The following SLC49A3 variants were observed in gnomAD, a reference collection of about 807,000 sequenced individuals.
SLC49A3 encodes solute carrier family 49 member 3, also known as solute carrier family 49 member A3.
SLC49A3 carries 50 observed loss-of-function variants against 43.8 expected under a neutral mutation model. That is an observed-to-expected ratio of 1.14 (90% CI 0.91 to 1.45). The LOEUF is 1.45. Ranked by LOEUF, SLC49A3 falls within the 40% of genes most tolerant of loss-of-function variation. The pLI, the probability that SLC49A3 is intolerant of heterozygous loss-of-function variation, is 0.00. For missense variants in SLC49A3, 906 were observed against 774.1 expected, an observed-to-expected ratio of 1.17 and a Z score of -2.02; for synonymous variants, 413 against 352.0, an observed-to-expected ratio of 1.17 and a Z score of -1.94.
At chr4:678,648 C>A (rs1298613095), downstream of SLC49A3, 1 of 1,598,974 alleles carries the variant, frequency 6.3e-7, no homozygotes. Context: ...CCATGGTGCT[C>A]CCACCGCAGG....
chr4:683,161 A>G, intron 8 of SLC49A3, 49 bp downstream of exon 8: 1 of 1,609,760 alleles, frequency 6.2e-7, no homozygotes, highest in Non-Finnish European at 8.5e-7. Context: ...GTAGGGGTGG[A>G]GCAAGGGGAG....
At chr4:678,549 A>G (rs1739092322), downstream of SLC49A3, 2 of 1,477,780 alleles carry the variant, frequency 1.4e-6, no homozygotes, top group East Asian at 5.0e-5. Context: ...CTCCAGCCCG[A>G]AGGGCTGAGG....
rs766520194 is a variant in SLC49A3, at chr4:684,878, C to T, written c.586-22G>A. 39 of 1,606,272 alleles carry T rather than the reference C, an allele frequency of 2.4e-5. No homozygotes were observed. In the South Asian group the frequency reaches 3.6e-4, roughly 15 times the overall value. On this transcript the variant is annotated intron_variant, in intron 4 of 9. Transcript: ENST00000322224. ...CGAGCTGGGGAGGGGTGTGTGTGCA[C>T]AAGGAGACCACGCAGACTGGCACCC...
upstream of SLC49A3, chr4:689,341 A>G (rs983439832): frequency 3.1e-4 from 100 of 324,514 alleles, 1 homozygote; most frequent in African/African-American, 2.0e-3. Context: ...GCAAAGGTGA[A>G]GTTGGACCCT....
downstream of SLC49A3, chr4:678,339 G>C (rs185345970): frequency 8.5e-5 from 120 of 1,417,236 alleles, no homozygotes; most frequent in African/African-American, 1.6e-3. Flanking sequence ...CCCACCCAGA[G>C]TCCACTTGCC....
At chr4:677,902 C>A, downstream of SLC49A3, 1 of 1,543,400 alleles carries the variant, frequency 6.5e-7, no homozygotes, top group Non-Finnish European at 9.0e-7. Flanking sequence ...CCTGGGGTAG[C>A]CCCAAGCCTG....
downstream of SLC49A3, chr4:678,071 G>A (rs1739027375): frequency 1.2e-6 from 2 of 1,610,864 alleles, no homozygotes; most frequent in Non-Finnish European, 1.7e-6. Flanking sequence ...GCGTGTGGGT[G>A]TGAGCTGTGC....
chr4:682,434 G>A (rs931762225), intron 9 of SLC49A3, 58 bp from the exon 10 acceptor site: 2 of 1,302,850 alleles, frequency 1.5e-6, no homozygotes, highest in Admixed American at 3.4e-5. Flanking sequence ...CAGATGGGCA[G>A]AGCCCAATGC....
At chr4:679,213 A>G, downstream of SLC49A3, 1 of 720,692 alleles carries the variant, frequency 1.4e-6, no homozygotes, top group Non-Finnish European at 2.5e-6. Flanking sequence ...CAGAGCTGGC[A>G]GAGAGCATCC....
rs112489859 is a variant in SLC49A3 at position 685,598 on chromosome 4, C to T, written c.585+237G>A. ...GCGCACGCCTGTAGTCCCAGCTACTCGGGAAGATGAGGCAGGGGAATTGCT... is the reference window on the plus strand; with the variant it reads ...GCGCACGCCTGTAGTCCCAGCTACTTGGGAAGATGAGGCAGGGGAATTGCT... On this transcript the variant is annotated intron_variant, in intron 4 of 9. Coordinates refer to ENST00000322224, the MANE Select transcript of SLC49A3 (RefSeq NM_032219.4). The surrounding 1 kb of genome is among the most constrained non-coding windows in gnomAD (Gnocchi z 4.3). Among the ~76,000 whole-genome samples the T allele has an allele frequency of 4.4e-3, 676 of 152,016 alleles. 5 individuals are homozygous for T. The highest frequency in any genetic ancestry group is 0.016 in the African/African-American group (651 of 41,448).
Position 682,124 on chromosome 4 carries a change from C to A in SLC49A3, c.1514G>T (p.Gly505Val). ...GASLEDPRGP[G>V]SPHPACHRAT... ...TCGGTGGCAGGCTGGGTGGGGGCTCCCGGGCCCTCTGGGGTCCTCTAGCGA... is the reference window on the plus strand; with the variant it reads ...TCGGTGGCAGGCTGGGTGGGGGCTCACGGGCCCTCTGGGGTCCTCTAGCGA... The change falls in exon 10 of 10, where the codon GGG (glycine) becomes GTG (valine). Residue 505 changes from glycine to valine, a missense_variant. Transcript: ENST00000322224. 1 of 1,353,384 alleles carries A rather than the reference C, an allele frequency of 7.4e-7. No individual in the cohort carries two copies. The highest frequency in any genetic ancestry group is 2.9e-5 in the East Asian group (1 of 34,578). 83.8% of individuals were successfully genotyped at this position (1,353,384 alleles called of 1,614,324 possible).
chr4:688,684 C>T (rs1241349477), intron 1 of SLC49A3, among the ~76,000 whole-genome samples: 1 of 152,132 alleles, frequency 6.6e-6, no homozygotes. Flanking sequence ...AGAGGGCCAA[C>T]GCAGGGCCAC....
At chr4:678,250 C>T (rs1739055916), downstream of SLC49A3, 2 of 1,474,838 alleles carry the variant, frequency 1.4e-6, no homozygotes, top group Non-Finnish European at 1.8e-6. Context: ...GTACGTGCCT[C>T]ACGTTGCTCT....
downstream of SLC49A3, chr4:678,805 G>C: frequency 6.2e-7 from 1 of 1,608,690 alleles, no homozygotes. Flanking sequence ...CCACCCCCAG[G>C]AGCCTGTGCT....
In SLC49A3 at chr4:686,129, T is replaced by C; in HGVS notation, c.468A>G (p.Pro156=). The change falls in exon 3 of 10, where the codon CCA becomes CCG. Residue 156 remains proline (P), a synonymous_variant. Transcript: ENST00000322224. ...TGTTGGCCGTGGCTCGCTGGTGCTC[T>C]GGGAACCACAAGGCAGCCAGCTTGG... ...SPAKLAALWF[P]EHQRATANML... 6.2e-7 allele frequency: 1 copy of C among 1,613,132 alleles called. No homozygotes were observed. Among genetic ancestry groups the C allele is most frequent in the African/African-American group, 1.3e-5 (1 of 75,030 alleles).
Position 683,612 on chromosome 4 carries a change from G to C in SLC49A3, c.990C>G (p.Ala330=). 6.2e-7 allele frequency: 1 copy of C among 1,610,594 alleles called. No homozygotes were observed. Among genetic ancestry groups the C allele is most frequent in the Non-Finnish European group, 8.5e-7 (1 of 1,178,672 alleles). Residue 330 remains alanine (A), a synonymous_variant, in exon 7 of 10, where the codon GCC becomes GCG. Transcript: ENST00000322224. ...CLFSLACVPF[A]LVSQLQGQTL... ...CTTGGCTTGAGGAGACCCTCACCAG[G>C]GCAAAGGGCACGCAGGCCAGAGAGA...
intron 1 of SLC49A3, among the ~76,000 whole-genome samples, chr4:687,522 G>A (rs1342014842): frequency 1.3e-5 from 2 of 152,230 alleles, no homozygotes; most frequent in African/African-American, 2.4e-5. Flanking sequence ...GTGCCTGCCT[G>A]GCCGAGCCCG....
downstream of SLC49A3, among the ~76,000 whole-genome samples, chr4:679,428 G>A (rs1045046351): frequency 2.0e-5 from 3 of 151,992 alleles, no homozygotes; most frequent in African/African-American, 7.2e-5. Context: ...GCGTGGAGAC[G>A]CTGCCCAGCC....
Position 684,585 on chromosome 4 carries a change from C to T in SLC49A3, c.738G>A (p.Lys246=), listed in dbSNP as rs1740599144. ...AGCACACAGCCAGGATGACATAGGC[C>T]TTGTTCCACATGAGCTGCTGGGAAA... ...LDGLKLLMWN[K]AYVILAVCLG... The change falls in exon 6 of 10, where the codon AAG becomes AAA. Residue 246 remains lysine (K), a synonymous_variant. Transcript: ENST00000322224. The T allele has an allele frequency of 3.1e-6, 5 of 1,613,038 alleles. No homozygotes were observed. The highest frequency in any genetic ancestry group is 4.2e-6 in the Non-Finnish European group (5 of 1,179,912).
Sources: gnomAD v4.1 joint callset for allele counts (sites outside exome capture counted in the v4.1 genomes callset) on GRCh38, gnomAD v4.1.1 for gene constraint, Gnocchi (gnomAD v3.1) non-coding constraint, MANE v1.5 for transcripts, NCBI Gene and HGNC (gene_info 2026-07-23, HGNC 2026-07-21) for gene names.